Variants in CCDC7 observed in about 807,000 individuals in gnomAD.
CCDC7 encodes the protein coiled-coil domain-containing protein 7.
Under a neutral mutation model 196.9 loss-of-function variants are expected in CCDC7, and 183 were observed. That is an observed-to-expected ratio of 0.93 (90% CI 0.82 to 1.05). The LOEUF (loss-of-function observed/expected upper bound fraction) is 1.05. Among genes scored for constraint, CCDC7 ranks in the 50% least tolerant of loss-of-function variants. CCDC7 has a pLI of 0.00. For missense variants in CCDC7, 1,540 were observed against 1,482.2 expected, an observed-to-expected ratio of 1.04 and a Z score of -0.64; for synonymous variants, 525 against 484.6, an observed-to-expected ratio of 1.08 and a Z score of -1.10.
chr10:32,700,315 C>A (rs1187526722), intron 24 of CCDC7, among the ~76,000 whole-genome samples: 8 of 149,378 alleles, frequency 5.4e-5, no homozygotes, highest in Non-Finnish European at 1.2e-4. Context: ...CTAGGGAATC[C>A]TTTCCCCATT....
chr10:32,725,002 A>G (rs1012892121), intron 25 of CCDC7, among the ~76,000 whole-genome samples: 2 of 152,026 alleles, frequency 1.3e-5, no homozygotes, highest in African/African-American at 2.4e-5. Flanking sequence ...ACTTGAACCC[A>G]TACTCCTTAG....
rs1491250824 is a variant in CCDC7, at chr10:32,499,596, TTA to T, written c.872+7601_872+7602del. 1.0e-3 allele frequency among the ~76,000 whole-genome samples: 145 copies of T among 140,910 alleles called. 1 individual carries two copies. The Middle Eastern group carries it at 0.014, about 14-fold the overall frequency. 92.4% of individuals were successfully genotyped at this position (140,910 alleles called of 152,430 possible). On this transcript the variant is annotated intron_variant, in intron 9 of 41. Coordinates refer to ENST00000639629, the Ensembl canonical transcript of CCDC7. ...AGCCCTAATGTTGAATCTTTCTTTTTTATTTTTTTATTTTTTTTTAGTGTTTA... is the reference window on the plus strand; with the variant it reads ...AGCCCTAATGTTGAATCTTTCTTTTTTTTTTTTATTTTTTTTTAGTGTTTA...
At chr10:32,664,951 T>G (rs1429715130) in intron 21 of CCDC7, among the ~76,000 whole-genome samples, 6 of 152,070 alleles carry the variant, frequency 3.9e-5, no homozygotes, top group Non-Finnish European at 7.4e-5. Flanking sequence ...AGTGTTCCCT[T>G]CTCTTCACAT....
At chr10:32,817,407 C>T (rs1329010067) in intron 31 of CCDC7, among the ~76,000 whole-genome samples, 1 of 152,188 alleles carries the variant, frequency 6.6e-6, no homozygotes, top group Non-Finnish European at 1.5e-5. Flanking sequence ...AGTTGGAAAA[C>T]ACTCTGTAGG....
At chr10:32,658,712 G>A (rs988762822) in intron 20 of CCDC7, among the ~76,000 whole-genome samples, 1 of 152,174 alleles carries the variant, frequency 6.6e-6, no homozygotes, top group African/African-American at 2.4e-5. Flanking sequence ...CAACGGCATC[G>A]ATGAACCTGG....
chr10:32,601,011 T>G (rs1225068773), intron 18 of CCDC7, among the ~76,000 whole-genome samples: 3 of 152,204 alleles, frequency 2.0e-5, no homozygotes, highest in African/African-American at 4.8e-5. Context: ...TTTTTTCTTT[T>G]AGTACCTTAA....
intron 9 of CCDC7, among the ~76,000 whole-genome samples, chr10:32,508,932 A>ATTTTTTTTTTTTTTTTTTT (rs4016795): frequency 8.5e-6 from 1 of 117,106 alleles, no homozygotes. Context: ...TGTGCCTGGC[A>ATTTTTTTTTTTTTTTTTTT]TTTTTTTTTT....
intron 8 of CCDC7, among the ~76,000 whole-genome samples, chr10:32,476,146 G>C (rs1054518760): frequency 6.6e-6 from 1 of 152,066 alleles, no homozygotes; most frequent in Middle Eastern, 3.2e-3. Context: ...TCATGTCTTG[G>C]ATCCACCATT....
intron 18 of CCDC7, among the ~76,000 whole-genome samples, chr10:32,592,174 T>C (rs1199946887): frequency 6.6e-6 from 1 of 152,148 alleles, no homozygotes; most frequent in Non-Finnish European, 1.5e-5. Context: ...TTATAATCCT[T>C]TTTAGTTTAT....
intron 28 of CCDC7, among the ~76,000 whole-genome samples, chr10:32,756,329 A>G (rs1392915666): frequency 6.6e-6 from 1 of 152,238 alleles, no homozygotes; most frequent in East Asian, 1.9e-4. Context: ...GTTGAAATGA[A>G]GGACAAAAAG....
intron 1 of CCDC7, chr10:32,446,617 G>C (rs974598963): frequency 6.6e-6 from 1 of 152,156 alleles, no homozygotes; most frequent in Non-Finnish European, 1.5e-5. Context: ...TATCATTAAA[G>C]GATTTGAAAT....
chr10:32,697,895 G>C (rs1233583063), intron 24 of CCDC7, among the ~76,000 whole-genome samples: 1 of 152,208 alleles, frequency 6.6e-6, no homozygotes, highest in African/African-American at 2.4e-5. Context: ...TGACCCCCCA[G>C]TAGGCTAACT....
Position 32,874,269 on chromosome 10 carries a change from T to C in CCDC7, c.4112-2078T>C, listed in dbSNP as rs1353098777. Among the ~76,000 whole-genome samples, 3 of 151,428 alleles carry C rather than the reference T, an allele frequency of 2.0e-5. No homozygotes were observed. The Admixed American group carries it at 2.0e-4, about 10-fold the overall frequency. ...TTATTAAAAGAAATCACACATCTTT[T>C]CTGCAACTAAACTCTTTTTTTACTT... On this transcript the variant is annotated intron_variant, in intron 41 of 41. Coordinates refer to ENST00000639629, the Ensembl canonical transcript of CCDC7.
At chr10:32,462,745 C>G in intron 4 of CCDC7, 42 bp downstream of exon 5, 1 of 1,431,266 alleles carries the variant, frequency 7.0e-7, no homozygotes, top group Non-Finnish European at 9.4e-7. Context: ...TAAAACTTAA[C>G]ACAGAAATAC....
chr10:32,702,728 G>A (rs1468095540), intron 24 of CCDC7, among the ~76,000 whole-genome samples: 1 of 152,110 alleles, frequency 6.6e-6, no homozygotes, highest in South Asian at 2.1e-4. Context: ...TACATATTTA[G>A]GATAGTTAGC....
chr10:32,808,369 G>A (rs774628524), intron 30 of CCDC7, among the ~76,000 whole-genome samples: 1 of 152,120 alleles, frequency 6.6e-6, no homozygotes, highest in Non-Finnish European at 1.5e-5. Context: ...AAAGGCCGGG[G>A]GCTCATCCTG....
At chr10:32,762,664 A>C (rs1204420975) in intron 28 of CCDC7, among the ~76,000 whole-genome samples, 1 of 151,762 alleles carries the variant, frequency 6.6e-6, no homozygotes, top group East Asian at 1.9e-4. Context: ...ATAAAAACAG[A>C]TGTACAAACT....
chr10:32,795,008 C>T lies in CCDC7; in HGVS notation c.3014-10007C>T, dbSNP rs193284807. ...CCCATGTAGGGTTCCCAGATTTCTC[C>T]CCATTTAGTCTTGGCATCTGGATCA... On this transcript the variant is annotated intron_variant, in intron 29 of 41. Transcript: ENST00000639629. Among the ~76,000 whole-genome samples the T allele has an allele frequency of 6.6e-5, 10 of 152,224 alleles. No individual in the cohort carries two copies. In the East Asian group the frequency reaches 1.9e-3, roughly 29 times the overall value.
At chr10:32,846,377 G>T (rs144109242) in exon 37 of CCDC7, 5 of 1,537,186 alleles carry the variant, frequency 3.3e-6, no homozygotes, top group African/African-American at 1.4e-5. Context: ...ATTCTATAGA[G>T]ACTGATAAAG....
Sources: allele counts gnomAD v4.1 joint callset (sites outside exome capture counted in the v4.1 genomes callset), GRCh38; gene constraint gnomAD v4.1.1; transcripts MANE v1.5; gene names NCBI Gene and HGNC (gene_info 2026-07-23, HGNC 2026-07-21).